The following COG5 variants were observed in gnomAD, a reference collection of about 807,000 sequenced individuals.
The protein encoded by COG5 is conserved oligomeric Golgi complex subunit 5.
Under a neutral mutation model 110.4 loss-of-function variants are expected in COG5, and 86 were observed. The ratio of observed to expected loss-of-function variants is 0.78; its 90% confidence interval spans 0.65 to 0.93. The LOEUF is 0.93. Among genes scored for constraint, COG5 ranks in the 40% least tolerant of loss-of-function variants. The pLI is 0.00. For synonymous variants in COG5, 360 were observed against 334.6 expected (o/e 1.08, Z -0.83); for missense variants, 1,077 against 987.0 (o/e 1.09, Z -1.22).
intron 6 of COG5, chr7:107,475,586 G>A (rs1335025025): frequency 5.2e-6 from 2 of 384,836 alleles, no homozygotes; most frequent in Admixed American, 4.2e-5. Flanking sequence ...TGTATATTTT[G>A]TCAATATTAT....
chr7:107,279,041 G>A (rs1221018320), intron 14 of COG5, among the ~76,000 whole-genome samples: 1 of 152,130 alleles, frequency 6.6e-6, no homozygotes, highest in Non-Finnish European at 1.5e-5. Context: ...CTATCCATCT[G>A]ACAAAGGGAT....
At chr7:107,548,037 A>G (rs1272845162) in intron 5 of COG5, 74 bp downstream of exon 5, 5 of 1,238,436 alleles carry the variant, frequency 4.0e-6, no homozygotes, top group South Asian at 1.3e-5. Flanking sequence ...TTCCAAACTC[A>G]TACTCTTAAA....
intron 7 of COG5, 47 bp downstream of exon 7, chr7:107,412,455 T>C (rs1390607633): frequency 1.9e-6 from 3 of 1,584,076 alleles, no homozygotes; most frequent in Non-Finnish European, 2.6e-6. Flanking sequence ...TGTTCACCTG[T>C]ATTATGACAC....
Position 107,248,483 on chromosome 7 carries a change from A to G in COG5, c.1766T>C (p.Met589Thr), listed in dbSNP as rs777200785. The change falls in exon 17 of 22, where the codon ATG (methionine) becomes ACG (threonine). Residue 589 changes from methionine to threonine, a missense_variant. Physicochemically the swap from Met to Thr is moderately conservative, Grantham distance 81. Transcript: ENST00000297135. ...GAGTAAGGGTTGCACAGCATTTTCC[A>G]TAAGAGCATGAATAGCCTAAAAAAA... ...ISALKAIHAL[M>T]ENAVQPLLTS... The G allele has an allele frequency of 3.1e-6, 5 of 1,606,104 alleles. No homozygotes were observed. The highest frequency in any genetic ancestry group is 1.7e-5 in the Admixed American group (1 of 59,954).
chr7:107,206,270 A>G (rs1344021685), intron 21 of COG5, among the ~76,000 whole-genome samples: 1 of 152,172 alleles, frequency 6.6e-6, no homozygotes, highest in East Asian at 1.9e-4. Context: ...GCTGTTTTAA[A>G]TAACATGTAA....
rs181543158 is a variant in COG5, at chr7:107,413,808, G to A, written c.539-1176C>T. On this transcript the variant is annotated intron_variant, in intron 6 of 21. Transcript: ENST00000297135. ...GCATGTATAATACATTAAGCTAGACGCAAAGTGTGTATTACTTTAATGCAT... is the reference window on the plus strand; with the variant it reads ...GCATGTATAATACATTAAGCTAGACACAAAGTGTGTATTACTTTAATGCAT... Among the ~76,000 whole-genome samples, 172 of 152,238 alleles carry A rather than the reference G, an allele frequency of 1.1e-3. 1 individual carries two copies. The highest frequency in any genetic ancestry group is 0.011 in the Admixed American group (167 of 15,292).
chr7:107,517,319 A>G (rs1489731064), intron 6 of COG5, among the ~76,000 whole-genome samples: 1 of 152,184 alleles, frequency 6.6e-6, no homozygotes, highest in Admixed American at 6.5e-5. Flanking sequence ...AAAAATGAAC[A>G]AAATCTCGGA....
intron 16 of COG5, among the ~76,000 whole-genome samples, chr7:107,249,738 GTA>G (rs1181625591): frequency 3.8e-5 from 5 of 132,750 alleles, no homozygotes; most frequent in South Asian, 2.4e-4. Flanking sequence ...GTGTGTGTGT[GTA>G]TACATATAGT....
intron 5 of COG5, 129 bp from the exon 6 acceptor site, chr7:107,527,486 A>T: frequency 5.4e-6 from 5 of 925,484 alleles, no homozygotes; most frequent in Non-Finnish European, 8.4e-6. Context: ...CCTATGTAAC[A>T]AACCTGCACA....
chr7:107,507,079 G>C (rs1247234069), intron 6 of COG5, among the ~76,000 whole-genome samples: 1 of 152,146 alleles, frequency 6.6e-6, no homozygotes, highest in Non-Finnish European at 1.5e-5. Flanking sequence ...GTAGGATAAA[G>C]GTCTTCCCCT....
At chr7:107,329,591 C>T (rs920003789) in intron 10 of COG5, among the ~76,000 whole-genome samples, 3 of 152,024 alleles carry the variant, frequency 2.0e-5, no homozygotes, top group East Asian at 1.9e-4. Flanking sequence ...AATTATCAAA[C>T]GGTAGTCAGA....
chr7:107,324,886 A>C (rs892272544), intron 10 of COG5, among the ~76,000 whole-genome samples: 1 of 152,052 alleles, frequency 6.6e-6, no homozygotes, highest in Non-Finnish European at 1.5e-5. Context: ...AATACAATAA[A>C]CTCAATGAAT....
intron 18 of COG5, among the ~76,000 whole-genome samples, chr7:107,233,894 A>C (rs1338097130): frequency 6.6e-6 from 1 of 152,238 alleles, no homozygotes; most frequent in Admixed American, 6.5e-5. Flanking sequence ...GGTACAACAA[A>C]TAATTGCAAT....
chr7:107,235,596 G>A (rs893544549), intron 18 of COG5, among the ~76,000 whole-genome samples: 6 of 152,252 alleles, frequency 3.9e-5, no homozygotes, highest in Non-Finnish European at 7.4e-5. Flanking sequence ...CCAGCTACTC[G>A]GGAAGCTGAG....
intron 11 of COG5, among the ~76,000 whole-genome samples, chr7:107,299,784 A>G (rs1562958127): frequency 6.8e-6 from 1 of 147,816 alleles, no homozygotes; most frequent in Admixed American, 6.8e-5. Flanking sequence ...AAAGTATAAT[A>G]CATCATGACC....
At chr7:107,469,798 T>C (rs1055215233) in intron 6 of COG5, among the ~76,000 whole-genome samples, 2 of 152,168 alleles carry the variant, frequency 1.3e-5, no homozygotes, top group Non-Finnish European at 2.9e-5. Flanking sequence ...TTTTTTTTAA[T>C]GTTTGGCATA....
At chr7:107,421,553 G>A (rs1563025114) in intron 6 of COG5, among the ~76,000 whole-genome samples, 2 of 152,170 alleles carry the variant, frequency 1.3e-5, no homozygotes, top group Admixed American at 6.5e-5. Context: ...CACTTTGGGA[G>A]GCCGAGGCAG....
At chr7:107,331,721 T>C (rs1317804876) in intron 10 of COG5, among the ~76,000 whole-genome samples, 1 of 151,872 alleles carries the variant, frequency 6.6e-6, no homozygotes, top group African/African-American at 2.4e-5. Flanking sequence ...AGGATGAAGA[T>C]TATGCAACCA....
In COG5 at chr7:107,372,765, A is replaced by C; in HGVS notation, c.670-5T>G. ...TGTTCCGACTTGAGTTGGATTCTTA[A>C]AAAAAGGTGGGGTGGGGTGGAAACA... On this transcript the variant is annotated splice_polypyrimidine_tract_variant and splice_region_variant and intron_variant, in intron 7 of 21. Coordinates refer to ENST00000297135, the MANE Select transcript of COG5 (RefSeq NM_006348.5). 1 of 1,613,410 alleles carries C rather than the reference A, an allele frequency of 6.2e-7. No individual in the cohort carries two copies. The highest frequency in any genetic ancestry group is 1.1e-5 in the South Asian group (1 of 91,038).
Sources: allele counts gnomAD v4.1 joint callset (sites outside exome capture counted in the v4.1 genomes callset), GRCh38; gene constraint gnomAD v4.1.1; transcripts MANE v1.5; gene names NCBI Gene and HGNC (gene_info 2026-07-23, HGNC 2026-07-21).